TSR1: variants seen among roughly 807,000 people sequenced by gnomAD.
TSR1 encodes the protein TSR1 ribosome maturation factor.
In TSR1, 81 loss-of-function variants were observed where a neutral mutation model predicts 90.9. The ratio of observed to expected loss-of-function variants is 0.89; its 90% CI spans 0.74 to 1.07. TSR1 has a LOEUF of 1.07. TSR1 is among the 50% of genes least tolerant of loss of function. The pLI, the probability that TSR1 is intolerant of heterozygous loss-of-function variation, is 0.00. For missense variants in TSR1, 989 were observed against 987.3 expected (o/e 1.00, Z -0.02); for synonymous variants, 362 against 348.8 (o/e 1.04, Z -0.42).
rs759971457 is a variant in TSR1 at position 2,333,730 on chromosome 17, GC to G, written c.982-15del. 5 of 1,613,576 alleles carry G rather than the reference GC, an allele frequency of 3.1e-6. No homozygotes were observed. The African/African-American group carries it at 6.7e-5, about 22-fold the overall frequency. On this transcript the variant is annotated splice_polypyrimidine_tract_variant and intron_variant, in intron 5 of 14. Transcript: ENST00000301364. Reference sequence around the variant, plus strand: ...CGTAGCACAAATCTGAAAACCAAAAGCAGGTGATAGTCAACCATGAACCAAA... The same window carrying G: ...CGTAGCACAAATCTGAAAACCAAAAGAGGTGATAGTCAACCATGAACCAAA...
chr17:2,324,639 C>A (rs762871375), intron 13 of TSR1, 50 bp downstream of exon 13: 13 of 1,613,894 alleles, frequency 8.1e-6, no homozygotes, highest in Non-Finnish European at 1.0e-5. Flanking sequence ...GTAAACCCAA[C>A]CTTTATACCA....
intron 1 of TSR1, 25 bp downstream of exon 1, chr17:2,336,306 T>C: frequency 1.2e-6 from 2 of 1,613,978 alleles, no homozygotes; most frequent in Non-Finnish European, 8.5e-7. Flanking sequence ...AAATAGCCCT[T>C]ATTCCTTCTA....
intron 10 of TSR1, 75 bp from the exon 11 acceptor site, chr17:2,329,550 C>G (rs1446812748): frequency 1.9e-6 from 3 of 1,543,452 alleles, no homozygotes; most frequent in Non-Finnish European, 2.7e-6. Flanking sequence ...GAAGGCAAAC[C>G]AAACTAGCAG....
intron 10 of TSR1, chr17:2,330,201 G>GT: frequency 2.0e-6 from 1 of 498,796 alleles, no homozygotes. Flanking sequence ...GATTACAGGC[G>GT]TGAGCCGCCG....
At position 2,323,107 on chromosome 17, in the gene TSR1, T is replaced by G. The variant is rs747298383; in HGVS notation, c.*1089A>C. ...ATGCAGGCAATGTTGTGGTTTGTTG[T>G]TAAGATGTCTTAATATTCCTCTTCC... is the stretch of plus-strand genomic sequence containing the variant. On this transcript the variant is annotated 3_prime_UTR_variant, in exon 15 of 15. Coordinates refer to ENST00000301364, the MANE Select transcript of TSR1 (RefSeq NM_018128.5). The G allele has an allele frequency of 1.2e-6, 2 of 1,608,450 alleles. No homozygotes were observed.
chr17:2,324,344 T>A lies in TSR1; in HGVS notation c.2267A>T (p.Asp756Val). ...TGTGTCTTGAGATTTTAGCTTCCCA[T>A]CAAAGCTGCATTTCATGTGGCCATG... Reference protein sequence around the residue: ...GTHGHMKCSFDGKLKSQDTVL... With the variant: ...GTHGHMKCSFVGKLKSQDTVL... Residue 756 changes from aspartate (D) to valine (V), a missense_variant, in exon 15 of 15, where the codon GAT becomes GTT. Asp to Val is a radical substitution (Grantham distance 152, BLOSUM62 -3). Transcript: ENST00000301364. 1 of 1,563,816 alleles carries A rather than the reference T, an allele frequency of 6.4e-7. No individual in the cohort carries two copies.
In TSR1 at chr17:2,335,255, C is replaced by G. The variant is rs1339524411; in HGVS notation, c.556+5G>C. The G allele has an allele frequency of 6.2e-7, 1 of 1,613,214 alleles. No homozygotes were observed. The highest frequency in any genetic ancestry group is 8.5e-7 in the Non-Finnish European group (1 of 1,179,722). On this transcript the variant is annotated splice_donor_5th_base_variant and intron_variant, in intron 4 of 14. Coordinates refer to ENST00000301364, the MANE Select transcript of TSR1 (RefSeq NM_018128.5). ...AAGGTGCACAATAAATGCTAACTCA[C>G]TTACTATAGGTCGGAAGGCCCTGAG...
In TSR1 at chr17:2,328,071, C is replaced by G. The variant is rs184330893; in HGVS notation, c.1903+1272G>C. Among the ~76,000 whole-genome samples, 19 of 151,792 alleles carry G rather than the reference C, an allele frequency of 1.3e-4. No individual in the cohort carries two copies. The East Asian group carries it at 3.5e-3, about 28-fold the overall frequency. ...CAGCCTGGCCAGCATGGTGAAACCC[C>G]GTCTCTACTAAAAATACAAAAATTA... is the stretch of plus-strand genomic sequence containing the variant. On this transcript the variant is annotated intron_variant, in intron 11 of 14. Coordinates refer to ENST00000301364, the MANE Select transcript of TSR1 (RefSeq NM_018128.5).
intron 11 of TSR1, among the ~76,000 whole-genome samples, chr17:2,327,416 C>CAA (rs770269783): frequency 0.2 from 24,673 of 126,334 alleles, 2,401 homozygotes; most frequent in Admixed American, 0.29. Context: ...GACTCTATAT[C>CAA]AAAAAAAAAA....
chr17:2,330,196 C>T (rs1444563504), intron 10 of TSR1: 3 of 487,340 alleles, frequency 6.2e-6, no homozygotes, highest in East Asian at 1.1e-4. Context: ...GCTGGGATTA[C>T]AGGCGTGAGC....
chr17:2,335,386 GCA>G lies in TSR1; in HGVS notation c.428_429del (p.Leu143ProfsTer8). Reference protein sequence around the residue: ...WFFTSARPGDLHVVLDMAKVA... With the variant: ...WFFTSARPGDXHVVLDMAKVA... ...ACTTTAGCCATGTCTAACACAACGT[GCA>G]GATCCCCTGCAGATAGAAGACACAG... On this transcript the variant is annotated frameshift_variant, in exon 4 of 15. Transcript: ENST00000301364. LOFTEE classifies it high-confidence loss of function. 6.2e-7 allele frequency: 1 copy of G among 1,612,914 alleles called. No individual in the cohort carries two copies. The highest frequency in any genetic ancestry group is 1.1e-5 in the South Asian group (1 of 91,034).
chr17:2,326,971 G>A (rs2075579464), intron 11 of TSR1, among the ~76,000 whole-genome samples: 1 of 152,002 alleles, frequency 6.6e-6, no homozygotes, highest in Non-Finnish European at 1.5e-5. Flanking sequence ...TAGGCATGGT[G>A]GTACACGCCT....
intron 11 of TSR1, among the ~76,000 whole-genome samples, chr17:2,328,490 G>A (rs2075586785): frequency 6.6e-6 from 1 of 151,914 alleles, no homozygotes; most frequent in Non-Finnish European, 1.5e-5. Flanking sequence ...TCGGGAGGCT[G>A]AGGCAGGAGA....
rs530534009 is a variant in TSR1 at position 2,335,799 on chromosome 17, T to C, written c.202-69A>G. ...CTTCACTCCAGCATTGCATTTCCAC[T>C]CCCACAGATGCTCCCCCTACCCAAA... On this transcript the variant is annotated intron_variant, in intron 2 of 14. Coordinates refer to ENST00000301364, the MANE Select transcript of TSR1 (RefSeq NM_018128.5). 3.3e-6 allele frequency: 5 copies of C among 1,510,708 alleles called. No individual in the cohort carries two copies. In the South Asian group the frequency reaches 4.7e-5, roughly 14 times the overall value. The allele number at this position is 1,510,708 out of a possible 1,614,324, so 93.6% of individuals were successfully genotyped here.
chr17:2,327,518 C>A (rs2075582509), intron 11 of TSR1, among the ~76,000 whole-genome samples: 1 of 152,028 alleles, frequency 6.6e-6, no homozygotes, highest in East Asian at 1.9e-4. Flanking sequence ...TATTTAGTTC[C>A]AGTTCTAAGG....
intron 11 of TSR1, among the ~76,000 whole-genome samples, chr17:2,327,132 G>C (rs1490903322): frequency 2.0e-5 from 3 of 147,492 alleles, no homozygotes; most frequent in Non-Finnish European, 4.5e-5. Flanking sequence ...TTTTTTCGTA[G>C]AGGCCGGGCA....
chr17:2,326,518 T>C (rs1181928505), intron 11 of TSR1, among the ~76,000 whole-genome samples: 1 of 152,146 alleles, frequency 6.6e-6, no homozygotes, highest in African/African-American at 2.4e-5. Flanking sequence ...CTTGGCACAC[T>C]AGACATCAAA....
chr17:2,334,142 C>G (rs1417887981), intron 5 of TSR1, among the ~76,000 whole-genome samples: 1 of 152,186 alleles, frequency 6.6e-6, no homozygotes, highest in Non-Finnish European at 1.5e-5. Flanking sequence ...AGTCTACTTT[C>G]TCAACTTCCA....
rs753038681 is a variant in TSR1 at position 2,324,741 on chromosome 17, A to G, written c.2109T>C (p.Pro703=). 1 of 1,614,228 alleles carries G rather than the reference A, an allele frequency of 6.2e-7. No individual in the cohort carries two copies. The highest frequency in any genetic ancestry group is 8.5e-7 in the Non-Finnish European group (1 of 1,180,026). Residue 703 remains proline, a synonymous_variant, in exon 13 of 15, where the codon CCT becomes CCC. Transcript: ENST00000301364. ...VIKRVVLSGH[P]FKIFTKMAVV... ...CTGCCATCTTAGTAAAAATTTTGAA[A>G]GGATGACCACTCAGAACAACTCTCT...
Sources: gnomAD v4.1 joint callset for allele counts (sites outside exome capture counted in the v4.1 genomes callset) on GRCh38, gnomAD v4.1.1 for gene constraint, MANE v1.5 for transcripts, NCBI Gene and HGNC (gene_info 2026-07-23, HGNC 2026-07-21) for gene names.